The following TTC21A variants were observed in gnomAD, a reference collection of about 807,000 sequenced individuals.
The protein encoded by TTC21A is tetratricopeptide repeat protein 21A.
In TTC21A, 128 loss-of-function variants were observed where a neutral mutation model predicts 156.4. The ratio of observed to expected loss-of-function variants is 0.82; its 90% CI spans 0.71 to 0.95. The LOEUF (loss-of-function observed/expected upper bound fraction) is 0.95. Ranked by LOEUF, TTC21A falls within the 40% of genes least tolerant of loss-of-function variation. The probability of loss-of-function intolerance (pLI) is 0.00; values close to 1 mark genes in which losing one functional copy is unlikely to be tolerated. For missense variants in TTC21A, 1,435 were observed against 1,602.3 expected (o/e 0.90, Z 1.78); for synonymous variants, 587 against 617.1 (o/e 0.95, Z 0.72).
intron 9 of TTC21A, among the ~76,000 whole-genome samples, chr3:39,124,505 C>G (rs1253411350): frequency 6.6e-6 from 1 of 151,724 alleles, no homozygotes; most frequent in Non-Finnish European, 1.5e-5. Context: ...ACTAAAAATA[C>G]AAAAATTAGC....
chr3:39,135,445 A>C (rs528517518), intron 22 of TTC21A, among the ~76,000 whole-genome samples: 2 of 152,352 alleles, frequency 1.3e-5, no homozygotes, highest in African/African-American at 4.8e-5. Flanking sequence ...GGCTTGACAC[A>C]GTCCCCTTTT....
intron 2 of TTC21A, 64 bp from the exon 3 acceptor site, chr3:39,109,965 T>C (rs767217472): frequency 8.1e-7 from 1 of 1,238,942 alleles, no homozygotes; most frequent in Non-Finnish European, 1.2e-6. Context: ...TTGGGTCAGC[T>C]ACAGAGTCTC....
chr3:39,123,718 A>G (rs2125810681), intron 9 of TTC21A, among the ~76,000 whole-genome samples: 1 of 152,272 alleles, frequency 6.6e-6, no homozygotes. Flanking sequence ...TATTTTACCT[A>G]TTTGACTACA....
At chr3:39,112,671 A>T (rs1244096110) in intron 5 of TTC21A, 91 bp downstream of exon 5, 1 of 1,541,660 alleles carries the variant, frequency 6.5e-7, no homozygotes, top group East Asian at 2.3e-5. Context: ...AAACCCTCGT[A>T]GTCTCCAGAT....
chr3:39,130,929 C>G lies in TTC21A; in HGVS notation c.2459-63C>G. The G allele has an allele frequency of 6.2e-7, 1 of 1,606,778 alleles. No homozygotes were observed. The highest frequency in any genetic ancestry group is 8.5e-7 in the Non-Finnish European group (1 of 1,174,710). On this transcript the variant is annotated intron_variant, in intron 18 of 28. Transcript: ENST00000683103. This position sits in a 1 kb window ranked among gnomAD's most constrained non-coding sequence, Gnocchi z 4.5. Reference sequence around the variant, plus strand: ...TAGCTGAAGTCCTGATCCCAGCGCTCCCCACCAACACAGCTTCCCAGGAGC... The same window carrying G: ...TAGCTGAAGTCCTGATCCCAGCGCTGCCCACCAACACAGCTTCCCAGGAGC...
chr3:39,119,718 G>A (rs2037596220), intron 7 of TTC21A: 1 of 475,704 alleles, frequency 2.1e-6, no homozygotes, highest in Non-Finnish European at 3.8e-6. Flanking sequence ...ATGTCCCCAG[G>A]AGTTCCACTT....
intron 9 of TTC21A, among the ~76,000 whole-genome samples, 167 bp from the exon 10 acceptor site, chr3:39,124,896 T>C (rs1002341030): frequency 1.3e-5 from 2 of 152,184 alleles, no homozygotes; most frequent in Non-Finnish European, 2.9e-5. Flanking sequence ...AGGGTTTGAA[T>C]TCTTGAGCAT....
At chr3:39,110,213 C>T in intron 3 of TTC21A, 74 bp downstream of exon 3, 1 of 1,162,720 alleles carries the variant, frequency 8.6e-7, no homozygotes, top group Non-Finnish European at 1.3e-6. Context: ...TAACACAGCC[C>T]CTCAAGGGCT....
At chr3:39,136,292 C>CA in intron 22 of TTC21A, 65 bp from the exon 23 acceptor site, 1 of 1,552,934 alleles carries the variant, frequency 6.4e-7, no homozygotes, top group Non-Finnish European at 8.7e-7. Flanking sequence ...CCTAGGGCCC[C>CA]AGCACCCTCA....
At chr3:39,136,716 C>T (rs1272340852) in intron 23 of TTC21A, 183 bp from the exon 24 acceptor site, 2 of 978,926 alleles carry the variant, frequency 2.0e-6, no homozygotes, top group East Asian at 2.6e-5. Context: ...GTGAGGGCCA[C>T]TTGGGCAGGC....
At chr3:39,136,836 A>G in intron 23 of TTC21A, 63 bp from the exon 24 acceptor site, 1 of 1,582,504 alleles carries the variant, frequency 6.3e-7, no homozygotes, top group Non-Finnish European at 8.6e-7. Flanking sequence ...TGGTCCTTGT[A>G]TATCCCTGCC....
chr3:39,138,207 G>A (rs771261177), intron 26 of TTC21A, 60 bp from the exon 27 acceptor site: 3 of 1,609,422 alleles, frequency 1.9e-6, no homozygotes, highest in South Asian at 1.1e-5. Flanking sequence ...GTCCCACCCT[G>A]GCCCAGGGAA....
At chr3:39,110,698 T>C (rs1323626669) in intron 3 of TTC21A, among the ~76,000 whole-genome samples, 153 bp from the exon 4 acceptor site, 1 of 152,200 alleles carries the variant, frequency 6.6e-6, no homozygotes, top group Non-Finnish European at 1.5e-5. Flanking sequence ...TTCCAGGCCT[T>C]GGGCTGCATG....
Position 39,125,491 on chromosome 3 carries a change from G to A in TTC21A, c.1351G>A (p.Val451Ile). ...TGAAAAGCTGGACCCGTACTTCCTG[G>A]TCTGCATTGCTAAGGAGTACTTGCT... ...YFEKLDPYFLVCIAKEYLLFC... is the reference protein window; with the variant it reads ...YFEKLDPYFLICIAKEYLLFC... Residue 451 changes from valine (V) to isoleucine (I), a missense_variant, in exon 11 of 29, where the codon GTC becomes ATC. By Grantham distance (29) the Val-to-Ile change is conservative. Coordinates refer to ENST00000683103, the MANE Select transcript of TTC21A (RefSeq NM_001366900.1). The A allele has an allele frequency of 2.5e-6, 4 of 1,614,070 alleles. No individual in the cohort carries two copies. The highest frequency in any genetic ancestry group is 3.4e-6 in the Non-Finnish European group (4 of 1,179,958).
rs200269077 is a variant in TTC21A at position 39,130,823 on chromosome 3, A to T, written c.2442A>T (p.Ala814=). 71 of 1,614,100 alleles carry T rather than the reference A, an allele frequency of 4.4e-5. No homozygotes were observed. Among genetic ancestry groups the T allele is most frequent in the Non-Finnish European group, 6.8e-6 (8 of 1,180,048 alleles). Residue 814 remains alanine, a synonymous_variant, in exon 18 of 29, where the codon GCA becomes GCT. Transcript: ENST00000683103. This position sits in a 1 kb window ranked among gnomAD's most constrained non-coding sequence, Gnocchi z 4.5. ...AAGCAGAAAAAGTTTTGAAGCAGGC[A>T]CTGGAACATGACATTGGTGAGGCAG... ...VNKAEKVLKQ[A]LEHDIVQDIP... is the part of the protein sequence containing the mutation.
rs528575800 is a variant in TTC21A, at chr3:39,129,027, T to G, written c.1897-45T>G. The stretch of plus-strand genomic sequence containing the variant: ...AGGTTCTTTGATTCCACCCACTGTT[T>G]ACTTGTGCATCAAGTGAAGGGTCTG... On this transcript the variant is annotated intron_variant, in intron 14 of 28. Coordinates refer to ENST00000683103, the MANE Select transcript of TTC21A (RefSeq NM_001366900.1). The G allele has an allele frequency of 3.1e-6, 5 of 1,608,666 alleles. No homozygotes were observed. In the African/African-American group the frequency reaches 4.0e-5, roughly 13 times the overall value.
intron 15 of TTC21A, among the ~76,000 whole-genome samples, chr3:39,129,857 C>G (rs2038588880): frequency 6.6e-6 from 1 of 152,164 alleles, no homozygotes; most frequent in Non-Finnish European, 1.5e-5. Context: ...GTGAGAGGAA[C>G]AGGTAGAGGG....
chr3:39,137,018 T>A lies in TTC21A; in HGVS notation c.3215T>A (p.Val1072Asp). ...ATCTGTCTGAATCCAGACAACGAGG[T>A]TGTGGGCGGAGAGGCTTTTGAGAAC... ...VQICLNPDNE[V>D]VGGEAFENQG... The change falls in exon 24 of 29, where the codon GTT becomes GAT. Residue 1072 changes from valine (V) to aspartate (D), a missense_variant. Physicochemically the swap from Val to Asp is radical, Grantham distance 152 (BLOSUM62 -3). Transcript: ENST00000683103. 1.2e-6 allele frequency: 2 copies of A among 1,612,742 alleles called. No homozygotes were observed. Among genetic ancestry groups the A allele is most frequent in the Non-Finnish European group, 1.7e-6 (2 of 1,179,652 alleles).
chr3:39,137,448 C>T, intron 25 of TTC21A, 38 bp from the exon 26 acceptor site: 2 of 1,611,986 alleles, frequency 1.2e-6, no homozygotes, highest in Non-Finnish European at 1.7e-6. Flanking sequence ...ACCAGGCGGC[C>T]AACACGTGCT....
Sources: gnomAD v4.1 joint callset for allele counts (sites outside exome capture counted in the v4.1 genomes callset) on GRCh38, gnomAD v4.1.1 for gene constraint, Gnocchi (gnomAD v3.1) non-coding constraint, MANE v1.5 for transcripts, NCBI Gene and HGNC (gene_info 2026-07-23, HGNC 2026-07-21) for gene names.